The following PRKAR2A variants were observed in gnomAD, a reference collection of about 807,000 sequenced individuals.
PRKAR2A encodes cAMP-dependent protein kinase type II-alpha regulatory subunit.
A neutral mutation model predicts 51.9 loss-of-function variants in PRKAR2A; 29 were observed. The ratio of observed to expected loss-of-function variants is 0.56; its 90% CI spans 0.42 to 0.76. PRKAR2A has a LOEUF of 0.76. Among genes scored for constraint, PRKAR2A ranks in the 30% least tolerant of loss-of-function variants. The probability of loss-of-function intolerance (pLI) is 0.00; values close to 1 mark genes in which losing one functional copy is unlikely to be tolerated. For synonymous variants in PRKAR2A, 178 were observed against 186.2 expected (o/e 0.96, Z 0.36); for missense variants, 445 against 512.1 (o/e 0.87, Z 1.26).
rs1435811283 is a variant in PRKAR2A, at chr3:48,749,629, C to T, written c.*1956G>A. 6.6e-6 allele frequency: 1 copy of T among 152,036 alleles called. No individual in the cohort carries two copies. Among genetic ancestry groups the T allele is most frequent in the Non-Finnish European group, 1.5e-5 (1 of 68,070 alleles). The allele number at this position is 152,036 out of a possible 1,614,324, so 9.4% of individuals were successfully genotyped here. A position where few individuals can be genotyped will look rare whatever the true frequency, so the allele number is the denominator to read the frequency against. On this transcript the variant is annotated 3_prime_UTR_variant, in exon 11 of 11. Coordinates refer to ENST00000265563, the MANE Select transcript of PRKAR2A (RefSeq NM_004157.4). ...TCAAGTAGCTGGGATTACAGGCGCCCACCACCATGCCCAGCTAATTTTTTG... is the reference window on the plus strand; with the variant it reads ...TCAAGTAGCTGGGATTACAGGCGCCTACCACCATGCCCAGCTAATTTTTTG...
At chr3:48,846,891 C>T (rs2083472030) in intron 1 of PRKAR2A, among the ~76,000 whole-genome samples, 1 of 152,186 alleles carries the variant, frequency 6.6e-6, no homozygotes, top group Non-Finnish European at 1.5e-5. Context: ...TTCATCTCAC[C>T]TTTCCTCTTT....
chr3:48,786,119 T>G (rs141107356), intron 4 of PRKAR2A, among the ~76,000 whole-genome samples: 1,744 of 147,100 alleles, frequency 0.012, 26 homozygotes, highest in East Asian at 0.034. Context: ...AGTTTTTTGG[T>G]TTTTTTTTGT....
chr3:48,745,190 T>TC (rs1243467888), downstream of PRKAR2A, among the ~76,000 whole-genome samples: 24 of 151,462 alleles, frequency 1.6e-4, no homozygotes, highest in Non-Finnish European at 3.1e-4. Context: ...TTTTTTTTTT[T>TC]TCAGACACCG....
chr3:48,808,455 G>A (rs533827175), intron 1 of PRKAR2A, among the ~76,000 whole-genome samples: 12 of 152,284 alleles, frequency 7.9e-5, no homozygotes, highest in African/African-American at 2.4e-4. Context: ...GGGTTTCACC[G>A]TGTTAGCCAG....
intron 9 of PRKAR2A, among the ~76,000 whole-genome samples, chr3:48,753,896 TTTTC>T (rs2081707431): frequency 2.6e-5 from 1 of 38,636 alleles, no homozygotes; most frequent in Non-Finnish European, 4.6e-5. Context: ...CAAACTATTG[TTTTC>T]TTTTTTTTTT....
intron 8 of PRKAR2A, among the ~76,000 whole-genome samples, chr3:48,764,145 G>A (rs1575845674): frequency 6.6e-6 from 1 of 152,098 alleles, no homozygotes; most frequent in East Asian, 1.9e-4. Flanking sequence ...CCGTGCTCTT[G>A]AGCCAGAACC....
chr3:48,822,302 T>C (rs972196922), intron 1 of PRKAR2A, among the ~76,000 whole-genome samples: 1 of 151,054 alleles, frequency 6.6e-6, no homozygotes, highest in Non-Finnish European at 1.5e-5. Flanking sequence ...GGGGTATAAA[T>C]ATGGTGATGT....
intron 6 of PRKAR2A, among the ~76,000 whole-genome samples, chr3:48,767,674 C>T (rs776495387): frequency 6.6e-6 from 1 of 152,074 alleles, no homozygotes; most frequent in Non-Finnish European, 1.5e-5. Context: ...CCTATAATCC[C>T]AGCACTTTGG....
intron 8 of PRKAR2A, among the ~76,000 whole-genome samples, chr3:48,764,483 C>G (rs1029892046): frequency 3.3e-5 from 5 of 151,904 alleles, no homozygotes; most frequent in Middle Eastern, 6.8e-3. Flanking sequence ...CACTAGAAGC[C>G]AAGGAAAGGT....
chr3:48,847,220 T>C lies in PRKAR2A; in HGVS notation c.262+115A>G. On this transcript the variant is annotated intron_variant, in intron 1 of 10. Coordinates refer to ENST00000265563, the MANE Select transcript of PRKAR2A (RefSeq NM_004157.4). This position sits in a 1 kb window ranked among gnomAD's most constrained non-coding sequence, Gnocchi z 4.4. ...AACGCTAGAAACGCGGCTACAGAGC[T>C]CCCAATCCCAGCCTGCGGTCGGCTT... is the stretch of plus-strand genomic sequence containing the variant. The C allele has an allele frequency of 3.0e-6, 4 of 1,323,618 alleles. No individual in the cohort carries two copies. The South Asian group carries it at 5.9e-5, about 19-fold the overall frequency. The allele number at this position is 1,323,618 out of a possible 1,614,324, so 82.0% of individuals were successfully genotyped here. A position where few individuals can be genotyped will look rare whatever the true frequency, so the allele number is the denominator to read the frequency against.
chr3:48,829,868 TATA>T (rs1487143229), intron 1 of PRKAR2A, among the ~76,000 whole-genome samples: 24 of 76,842 alleles, frequency 3.1e-4, no homozygotes, highest in African/African-American at 1.2e-3. Flanking sequence ...TATATATATA[TATA>T]TTTTTTTTTT....
At chr3:48,773,339 C>CTTTTTTTT (rs34140561) in intron 5 of PRKAR2A, among the ~76,000 whole-genome samples, 9 of 87,652 alleles carry the variant, frequency 1.0e-4, no homozygotes, top group Middle Eastern at 9.8e-3. Context: ...ATTTTCTTTT[C>CTTTTTTTT]TTTTTTTTTT....
chr3:48,753,900 C>CTTTTT (rs11389036), intron 9 of PRKAR2A, among the ~76,000 whole-genome samples: 1 of 136,776 alleles, frequency 7.3e-6, no homozygotes, highest in Non-Finnish European at 1.5e-5. Context: ...CTATTGTTTT[C>CTTTTT]TTTTTTTTTT....
chr3:48,773,119 G>A lies in PRKAR2A; in HGVS notation c.543-11C>T. On this transcript the variant is annotated splice_polypyrimidine_tract_variant and intron_variant, in intron 5 of 10. Transcript: ENST00000265563. ...ATGTCATAAGTTCCCCTAGAAGAAT[G>A]ACAAAGAATAATTTAATTAGTTACT... 1 of 1,587,812 alleles carries A rather than the reference G, an allele frequency of 6.3e-7. No individual in the cohort carries two copies. The highest frequency in any genetic ancestry group is 8.6e-7 in the Non-Finnish European group (1 of 1,160,804).
chr3:48,824,559 AAGAAAGAAAGAAAG>A (rs1401945911), intron 1 of PRKAR2A, among the ~76,000 whole-genome samples: 1 of 100,892 alleles, frequency 9.9e-6, no homozygotes, highest in Admixed American at 1.0e-4. Flanking sequence ...GAAAGAAAGA[AAGAAAGAAAGAAAG>A]AAAGAAAGAA....
Position 48,783,003 on chromosome 3 carries a change from G to A in PRKAR2A, c.525C>T (p.Asn175=). 2 of 1,610,950 alleles carry A rather than the reference G, an allele frequency of 1.2e-6. No individual in the cohort carries two copies. The highest frequency in any genetic ancestry group is 1.7e-6 in the Non-Finnish European group (2 of 1,177,238). The change falls in exon 5 of 11, where the codon AAC becomes AAT. Residue 175 remains asparagine (N), a synonymous_variant. Coordinates refer to ENST00000265563, the MANE Select transcript of PRKAR2A (RefSeq NM_004157.4). ...HVIDQGDDGD[N]FYVIERGTYD... ...TCTCCTACCGTTCTATGACATAAAA[G>A]TTGTCTCCATCATCTCCTTGGTCAA...
At position 48,847,632 on chromosome 3, in the gene PRKAR2A, G is replaced by A. The variant is rs1187265297; in HGVS notation, c.-36C>T. ...GCCGAAGGGATAGACGGGTTGGGCCGCCGGCGGCCACTGTCTCCGCGCTCA... is the reference window on the plus strand; with the variant it reads ...GCCGAAGGGATAGACGGGTTGGGCCACCGGCGGCCACTGTCTCCGCGCTCA... On this transcript the variant is annotated 5_prime_UTR_variant, in exon 1 of 11. Coordinates refer to ENST00000265563, the MANE Select transcript of PRKAR2A (RefSeq NM_004157.4). This position sits in a 1 kb window ranked among gnomAD's most constrained non-coding sequence, Gnocchi z 4.4. 19 of 1,405,304 alleles carry A rather than the reference G, an allele frequency of 1.4e-5. No individual in the cohort carries two copies. The highest frequency in any genetic ancestry group is 1.7e-5 in the Non-Finnish European group (18 of 1,085,806). The allele number at this position is 1,405,304 out of a possible 1,614,324, so 87.1% of individuals were successfully genotyped here. A position where few individuals can be genotyped will look rare whatever the true frequency, so the allele number is the denominator to read the frequency against.
intron 1 of PRKAR2A, among the ~76,000 whole-genome samples, chr3:48,832,668 ATT>A (rs904990702): frequency 1.3e-5 from 2 of 150,382 alleles, no homozygotes; most frequent in Non-Finnish European, 3.0e-5. Flanking sequence ...TTACAAAACG[ATT>A]TTTTTTTTAA....
chr3:48,802,248 G>C (rs1319133144), intron 2 of PRKAR2A, among the ~76,000 whole-genome samples: 1 of 152,030 alleles, frequency 6.6e-6, no homozygotes, highest in Non-Finnish European at 1.5e-5. Flanking sequence ...CACCATGTTG[G>C]CCAGGCTGAT....
Sources: gnomAD v4.1 joint callset for allele counts (sites outside exome capture counted in the v4.1 genomes callset) on GRCh38, gnomAD v4.1.1 for gene constraint, Gnocchi (gnomAD v3.1) non-coding constraint, MANE v1.5 for transcripts, NCBI Gene and HGNC (gene_info 2026-07-23, HGNC 2026-07-21) for gene names.